Variants in WWP2 observed in about 807,000 individuals in gnomAD.
WWP2 encodes the protein WW domain containing E3 ubiquitin protein ligase 2, also known as NEDD4-like E3 ubiquitin-protein ligase WWP2.
A neutral mutation model predicts 121.0 loss-of-function variants in WWP2; 57 were observed. The observed-to-expected ratio is 0.47, with a 90% CI of 0.38 to 0.59. The LOEUF (loss-of-function observed/expected upper bound fraction) is 0.59. Ranked by LOEUF, WWP2 falls within the 20% of genes least tolerant of loss-of-function variation. The pLI, the probability that WWP2 is intolerant of heterozygous loss-of-function variation, is 0.00. For synonymous variants in WWP2, 449 were observed against 441.3 expected (o/e 1.02, Z -0.22); for missense variants, 962 against 1,158.9 (o/e 0.83, Z 2.47).
rs559648384 is a variant in WWP2 at position 69,917,622 on chromosome 16, G to C, written c.1005-87G>C. The C allele has an allele frequency of 4.7e-6, 7 of 1,499,768 alleles. No homozygotes were observed. In the East Asian group the frequency reaches 1.6e-4, roughly 35 times the overall value. 92.9% of individuals were successfully genotyped at this position (1,499,768 alleles called of 1,614,324 possible). On this transcript the variant is annotated intron_variant, in intron 9 of 23. Coordinates refer to ENST00000359154, the MANE Select transcript of WWP2 (RefSeq NM_001270454.2). ...CAACCTCTGTGACAGGGCCTGCCCG[G>C]CTGTGCTAGGCATCCTGAGACTTTT...
chr16:69,873,283 A>G (rs2057675269), intron 7 of WWP2, among the ~76,000 whole-genome samples: 1 of 152,246 alleles, frequency 6.6e-6, no homozygotes, highest in Admixed American at 6.5e-5. Context: ...TGGGGGCTTC[A>G]GAGTCCCCGT....
At chr16:69,836,144 A>G (rs1042321016) in intron 4 of WWP2, among the ~76,000 whole-genome samples, 6 of 152,202 alleles carry the variant, frequency 3.9e-5, no homozygotes, top group Non-Finnish European at 7.3e-5. Context: ...AACATTAACA[A>G]TAATTTCAAA....
intron 8 of WWP2, among the ~76,000 whole-genome samples, chr16:69,888,976 G>A (rs1268545643): frequency 6.6e-6 from 1 of 152,198 alleles, no homozygotes; most frequent in Non-Finnish European, 1.5e-5. Flanking sequence ...AAAGTGCTGG[G>A]ATTACAGGCA....
At chr16:69,917,665 G>C (rs1373695618) in intron 9 of WWP2, 44 bp from the exon 10 acceptor site, 1 of 1,587,830 alleles carries the variant, frequency 6.3e-7, no homozygotes, top group African/African-American at 1.3e-5. Context: ...TGGGGGATGG[G>C]AGTGGGGTGG....
Position 69,925,569 on chromosome 16 carries a change from G to C in WWP2, c.1234+85G>C. 3 of 1,516,892 alleles carry C rather than the reference G, an allele frequency of 2.0e-6. No individual in the cohort carries two copies. The highest frequency in any genetic ancestry group is 2.7e-6 in the Non-Finnish European group (3 of 1,116,554). The allele number at this position is 1,516,892 out of a possible 1,614,324, so 94.0% of individuals were successfully genotyped here. ...CTCCTCCCGCGTGTCTTCCTTCCCT[G>C]TTCCTGTCCCTCTGTTTTCCATCTC... On this transcript the variant is annotated intron_variant, in intron 11 of 23. Transcript: ENST00000359154. The surrounding 1 kb of genome is among the most constrained non-coding windows in gnomAD (Gnocchi z 4.0).
intron 4 of WWP2, among the ~76,000 whole-genome samples, chr16:69,829,947 C>T (rs12449259): frequency 0.07 from 8,968 of 128,516 alleles, 401 homozygotes; most frequent in Middle Eastern, 0.13. Flanking sequence ...CACGCCACTG[C>T]GCCCAGCTAA....
At chr16:69,863,690 C>G (rs889389177) in intron 6 of WWP2, among the ~76,000 whole-genome samples, 10 of 152,116 alleles carry the variant, frequency 6.6e-5, no homozygotes, top group Non-Finnish European at 1.0e-4. Context: ...AGTTTCATCA[C>G]CCCAGAAAGT....
At chr16:69,938,307 C>G (rs1408730248) in intron 21 of WWP2, among the ~76,000 whole-genome samples, 1 of 152,102 alleles carries the variant, frequency 6.6e-6, no homozygotes, top group Non-Finnish European at 1.5e-5. Flanking sequence ...AGCCACTGTG[C>G]CCAACCCATT....
intron 1 of WWP2, among the ~76,000 whole-genome samples, chr16:69,784,091 C>CTTTTTTTTTTTTTTTTTTT (rs61650147): frequency 8.2e-5 from 5 of 60,874 alleles, no homozygotes; most frequent in Admixed American, 2.3e-4. Flanking sequence ...TTCTTTCTTT[C>CTTTTTTTTTTTTTTTTTTT]TTTTTTTTTT....
At chr16:69,795,555 CAA>C (rs777341260) in intron 2 of WWP2, among the ~76,000 whole-genome samples, 32 of 148,232 alleles carry the variant, frequency 2.2e-4, no homozygotes, top group Non-Finnish European at 3.4e-4. Context: ...GAACAGAAAG[CAA>C]ATGTGGCAAA....
intron 1 of WWP2, among the ~76,000 whole-genome samples, chr16:69,763,487 C>T (rs1355494062): frequency 6.6e-6 from 1 of 152,184 alleles, no homozygotes; most frequent in East Asian, 1.9e-4. Context: ...TTCACAGCAG[C>T]CAGCATCGTT....
rs374857599 is a variant in WWP2, at chr16:69,931,242, T to C, written c.1521+15T>C. The C allele has an allele frequency of 1.1e-5, 17 of 1,613,884 alleles. No individual in the cohort carries two copies. In the African/African-American group the frequency reaches 2.3e-4, roughly 22 times the overall value. ...TCCTCTGCCATGTGAGTTCTGGTAC[T>C]GGGGCTCCCGTGGCAGTTGGGGTTA... On this transcript the variant is annotated intron_variant, in intron 14 of 23. Transcript: ENST00000359154.
At chr16:69,832,792 C>G (rs1171902390) in intron 4 of WWP2, among the ~76,000 whole-genome samples, 1 of 152,226 alleles carries the variant, frequency 6.6e-6, no homozygotes, top group African/African-American at 2.4e-5. Flanking sequence ...ATCTGCCTGC[C>G]TTGGCCTCCC....
rs914032985 is a variant in WWP2 at position 69,935,422 on chromosome 16, C to T, written c.1843-431C>T. On this transcript the variant is annotated intron_variant, in intron 17 of 23. Coordinates refer to ENST00000359154, the MANE Select transcript of WWP2 (RefSeq NM_001270454.2). The surrounding 1 kb of genome is among the most constrained non-coding windows in gnomAD (Gnocchi z 5.2). ...ACCATTGGCCGCCAGCTCTCGCTGT[C>T]GGCGGTGTCTGCATTATTTTTGGCT... 1.2e-4 allele frequency among the ~76,000 whole-genome samples: 18 copies of T among 152,234 alleles called. No homozygotes were observed. The highest frequency in any genetic ancestry group is 4.3e-4 in the African/African-American group (18 of 41,466).
At chr16:69,871,252 C>T (rs1597087026) in intron 6 of WWP2, among the ~76,000 whole-genome samples, 2 of 152,182 alleles carry the variant, frequency 1.3e-5, no homozygotes, top group South Asian at 4.1e-4. Context: ...CCACTCCAGC[C>T]TGGGCAGCAG....
chr16:69,882,706 C>T (rs2057853416), intron 7 of WWP2, among the ~76,000 whole-genome samples: 1 of 152,166 alleles, frequency 6.6e-6, no homozygotes, highest in South Asian at 2.1e-4. Context: ...AGCAAGAACA[C>T]AAGGGACAGA....
At chr16:69,813,718 G>T (rs114334336) in intron 4 of WWP2, among the ~76,000 whole-genome samples, 1,931 of 152,158 alleles carry the variant, frequency 0.013, 37 homozygotes, top group African/African-American at 0.041. Flanking sequence ...ATCCTCCCAC[G>T]TTGGCGTCCC....
chr16:69,919,389 A>T (rs1340880366), intron 10 of WWP2, among the ~76,000 whole-genome samples: 1 of 152,102 alleles, frequency 6.6e-6, no homozygotes, highest in Admixed American at 6.5e-5. Context: ...CTGGTCTCGA[A>T]CTCCTGACCT....
chr16:69,937,121 GCTGA>G lies in WWP2; in HGVS notation c.2129_2132del (p.Asp710GlyfsTer37). The G allele has an allele frequency of 6.2e-7, 1 of 1,613,954 alleles. No individual in the cohort carries two copies. The highest frequency in any genetic ancestry group is 1.3e-5 in the African/African-American group (1 of 75,056). ...CATGGCTGCTCTTTGGTCTCAGGCT[GCTGA>G]CTGACTGGCGTTTCACCCGAGGCGT... On this transcript the variant is annotated frameshift_variant, in exon 20 of 24. Coordinates refer to ENST00000359154, the MANE Select transcript of WWP2 (RefSeq NM_001270454.2). LOFTEE classifies it high-confidence loss of function. The surrounding 1 kb of genome is among the most constrained non-coding windows in gnomAD (Gnocchi z 6.6).
Sources: gnomAD v4.1 joint callset for allele counts (sites outside exome capture counted in the v4.1 genomes callset) on GRCh38, gnomAD v4.1.1 for gene constraint, Gnocchi (gnomAD v3.1) non-coding constraint, MANE v1.5 for transcripts, NCBI Gene and HGNC (gene_info 2026-07-23, HGNC 2026-07-21) for gene names.